The following GPC3 variants were observed in gnomAD, a reference collection of about 807,000 sequenced individuals.
The protein encoded by GPC3 is glypican-3.
Under a neutral mutation model 34.4 loss-of-function variants are expected in GPC3, and 3 were observed. That is an observed-to-expected ratio of 0.09 (90% confidence interval 0.04 to 0.23). The LOEUF is 0.23. GPC3 is among the 10% of genes least tolerant of loss of function. GPC3 has a pLI of 1.00. For missense variants in GPC3, 351 were observed against 445.6 expected (o/e 0.79, Z 1.91); for synonymous variants, 177 against 174.0 (o/e 1.02, Z -0.13).
intron 6 of GPC3, among the ~76,000 whole-genome samples, chrX:133,625,753 A>G (rs1249989824): frequency 1.2e-4 from 14 of 112,100 alleles, no homozygotes; most frequent in African/African-American, 4.5e-4. Flanking sequence ...GGTAATTTAT[A>G]GATTCAATGC....
At chrX:133,634,268 C>T (rs1446810324) in intron 6 of GPC3, among the ~76,000 whole-genome samples, 1 of 111,794 alleles carries the variant, frequency 8.9e-6, no homozygotes, top group Admixed American at 9.5e-5. Context: ...AATAGTTTAG[C>T]AGTTTCTGAA....
chrX:133,677,917 A>G (rs768117659), intron 5 of GPC3, among the ~76,000 whole-genome samples: 5 of 111,438 alleles, frequency 4.5e-5, no homozygotes, highest in African/African-American at 6.5e-5. Context: ...CACTCATTCC[A>G]GGTCTGCTGG....
At chrX:133,792,218 C>T (rs2072172792) in intron 2 of GPC3, among the ~76,000 whole-genome samples, 1 of 111,130 alleles carries the variant, frequency 9.0e-6, no homozygotes. Context: ...GTTAGCCTGG[C>T]CTTTCACCAA....
At chrX:133,743,774 G>C (rs2071586248) in intron 3 of GPC3, among the ~76,000 whole-genome samples, 1 of 112,071 alleles carries the variant, frequency 8.9e-6, no homozygotes, top group South Asian at 3.7e-4. Context: ...TAGCCTTGTA[G>C]TATATAGTTT....
At chrX:133,931,018 C>T (rs995072034) in intron 2 of GPC3, among the ~76,000 whole-genome samples, 6 of 111,656 alleles carry the variant, frequency 5.4e-5, no homozygotes, top group African/African-American at 2.0e-4. Context: ...CAGATAGTAT[C>T]GAGCAGAGAC....
Position 133,985,438 on chromosome X carries a change from G to A in GPC3, c.12C>T (p.Thr4=), listed in dbSNP as rs1341189805. 8.5e-7 allele frequency: 1 copy of A among 1,171,525 alleles called. No individual in the cohort carries two copies. Among genetic ancestry groups the A allele is most frequent in the Non-Finnish European group, 1.1e-6 (1 of 875,448 alleles). Residue 4 remains threonine, a synonymous_variant, in exon 1 of 8, where the codon ACC becomes ACT. Transcript: ENST00000370818. ...CCACCACCAAGCACGCGGTGCGCAC[G>A]GTCCCGGCCATCCTGCTTCGCAGGG... MAG[T]VRTACLVVAM...
At chrX:133,732,263 T>G (rs1284779497) in intron 3 of GPC3, among the ~76,000 whole-genome samples, 1 of 111,385 alleles carries the variant, frequency 9.0e-6, no homozygotes, top group Non-Finnish European at 1.9e-5. Context: ...AGAGTCTGAC[T>G]GGCGGGCTCA....
At chrX:133,544,271 C>T (rs1165087327) in intron 7 of GPC3, among the ~76,000 whole-genome samples, 1 of 111,590 alleles carries the variant, frequency 9.0e-6, no homozygotes, top group African/African-American at 3.3e-5. Context: ...TGTTAGGCAA[C>T]TTGGGTCACC....
intron 6 of GPC3, among the ~76,000 whole-genome samples, chrX:133,597,607 G>A (rs1465134988): frequency 4.5e-5 from 5 of 111,373 alleles, no homozygotes; most frequent in Admixed American, 9.6e-5. Flanking sequence ...GGTTTCCATC[G>A]TCCCTATGTT....
intron 5 of GPC3, chrX:133,671,303 C>T (rs768592956): frequency 2.5e-4 from 202 of 811,089 alleles, no homozygotes; most frequent in Middle Eastern, 4.2e-4. Context: ...AAGAAAGCAA[C>T]GAAAGGAATG....
intron 2 of GPC3, among the ~76,000 whole-genome samples, chrX:133,788,011 G>C (rs1278158744): frequency 9.9e-6 from 1 of 101,402 alleles, no homozygotes; most frequent in East Asian, 3.1e-4. Flanking sequence ...GATTAAAGAT[G>C]AATATGCGTG....
At chrX:133,885,537 A>C (rs1662714030) in intron 2 of GPC3, among the ~76,000 whole-genome samples, 1 of 111,812 alleles carries the variant, frequency 8.9e-6, no homozygotes, top group Non-Finnish European at 1.9e-5. Flanking sequence ...AGCCCCCAAC[A>C]GATTAAAAGC....
chrX:133,718,294 G>C (rs2071333295), intron 3 of GPC3, among the ~76,000 whole-genome samples: 1 of 111,798 alleles, frequency 8.9e-6, no homozygotes, highest in Admixed American at 9.5e-5. Flanking sequence ...GCACAAGAAG[G>C]GGGAAGGGAA....
chrX:133,825,765 G>T (rs775340928), intron 2 of GPC3, among the ~76,000 whole-genome samples: 1 of 112,127 alleles, frequency 8.9e-6, no homozygotes, highest in East Asian at 2.8e-4. Context: ...CTTACTTATG[G>T]TTGACCTTGA....
chrX:133,551,464 T>C (rs2069432613), intron 7 of GPC3, among the ~76,000 whole-genome samples: 1 of 111,471 alleles, frequency 9.0e-6, no homozygotes, highest in African/African-American at 3.3e-5. Flanking sequence ...TCTATTCACT[T>C]CTTTTTCTCT....
At chrX:133,653,867 G>A (rs1390832807) in intron 6 of GPC3, among the ~76,000 whole-genome samples, 1 of 111,684 alleles carries the variant, frequency 9.0e-6, no homozygotes, top group African/African-American at 3.3e-5. Context: ...TTTGCATCAA[G>A]AGCCTTTGGA....
At chrX:133,799,351 C>T (rs1025104430) in intron 2 of GPC3, among the ~76,000 whole-genome samples, 1 of 111,332 alleles carries the variant, frequency 9.0e-6, no homozygotes, top group African/African-American at 3.3e-5. Context: ...ATTATTGCAC[C>T]ACAGCACTCC....
intron 2 of GPC3, among the ~76,000 whole-genome samples, chrX:133,925,741 C>T (rs1362866233): frequency 9.0e-6 from 1 of 111,577 alleles, no homozygotes; most frequent in Non-Finnish European, 1.9e-5. Flanking sequence ...AATTGGTTGC[C>T]TCAATAAAAG....
At chrX:133,939,563 T>C (rs1171505276) in intron 2 of GPC3, among the ~76,000 whole-genome samples, 1 of 111,573 alleles carries the variant, frequency 9.0e-6, no homozygotes, top group Non-Finnish European at 1.9e-5. Flanking sequence ...TAACTACTTA[T>C]GGGAGTAATT....
Sources: allele counts gnomAD v4.1 joint callset (sites outside exome capture counted in the v4.1 genomes callset), GRCh38; gene constraint gnomAD v4.1.1; transcripts MANE v1.5; gene names NCBI Gene and HGNC (gene_info 2026-07-23, HGNC 2026-07-21).